CDC42EP3: variants seen among roughly 807,000 people sequenced by gnomAD.
The protein encoded by CDC42EP3 is CDC42 effector protein (Rho GTPase binding) 3.
Under a neutral mutation model 15.5 loss-of-function variants are expected in CDC42EP3, and 4 were observed. The ratio of observed to expected loss-of-function variants is 0.26; its 90% CI spans 0.13 to 0.59. The LOEUF (loss-of-function observed/expected upper bound fraction) is 0.59. Among genes scored for constraint, CDC42EP3 ranks in the 20% least tolerant of loss-of-function variants. CDC42EP3 has a pLI of 0.89. For missense variants in CDC42EP3, 309 were observed against 311.2 expected (o/e 0.99, Z 0.05); for synonymous variants, 145 against 130.3 (o/e 1.11, Z -0.77).
rs367822432 is a variant in CDC42EP3, at chr2:37,642,575, C to T, written c.*3248G>A. 4.0e-4 allele frequency: 61 copies of T among 152,298 alleles called. No individual in the cohort carries two copies. Among genetic ancestry groups the T allele is most frequent in the African/African-American group, 1.4e-3 (59 of 41,538 alleles). The allele number at this position is 152,298 out of a possible 1,614,324, so 9.4% of individuals were successfully genotyped here. On this transcript the variant is annotated 3_prime_UTR_variant, in exon 2 of 2. Coordinates refer to ENST00000295324, the MANE Select transcript of CDC42EP3 (RefSeq NM_006449.5). ...AAAACTCTTACTGGAGAGAAACCATCATGTTGGCTCATTCTATTGTGTTTA... is the reference window on the plus strand; with the variant it reads ...AAAACTCTTACTGGAGAGAAACCATTATGTTGGCTCATTCTATTGTGTTTA...
At chr2:37,671,102 A>C (rs1410389019) in intron 1 of CDC42EP3, among the ~76,000 whole-genome samples, 1 of 152,214 alleles carries the variant, frequency 6.6e-6, no homozygotes, top group Non-Finnish European at 1.5e-5. Context: ...GCTTGTTCTC[A>C]GATGGAAAAA....
chr2:37,649,319 G>A (rs1253910811), intron 1 of CDC42EP3, among the ~76,000 whole-genome samples: 1 of 151,678 alleles, frequency 6.6e-6, no homozygotes, highest in South Asian at 2.1e-4. Flanking sequence ...GCTGAGAATG[G>A]TAGCACACAC....
rs1029135900 is a variant in CDC42EP3, at chr2:37,645,518, G to A, written c.*305C>T. ...ACTCGCTCAGCCCTTCATAGCTAGTGCCAATCCTGGCCAAGCCAGATTTCT... is the reference window on the plus strand; with the variant it reads ...ACTCGCTCAGCCCTTCATAGCTAGTACCAATCCTGGCCAAGCCAGATTTCT... On this transcript the variant is annotated 3_prime_UTR_variant, in exon 2 of 2. Coordinates refer to ENST00000295324, the MANE Select transcript of CDC42EP3 (RefSeq NM_006449.5). The A allele has an allele frequency of 3.0e-5, 7 of 234,300 alleles. No individual in the cohort carries two copies. The highest frequency in any genetic ancestry group is 5.0e-5 in the Non-Finnish European group (6 of 120,706). 14.5% of individuals were successfully genotyped at this position (234,300 alleles called of 1,614,324 possible). A position where few individuals can be genotyped will look rare whatever the true frequency, so the allele number is the denominator to read the frequency against.
intron 1 of CDC42EP3, among the ~76,000 whole-genome samples, chr2:37,665,826 G>T (rs551170610): frequency 8.1e-4 from 120 of 148,532 alleles, no homozygotes; most frequent in African/African-American, 2.9e-3. Context: ...TTAGTAGTAA[G>T]ATAGCTATGC....
rs545240289 is a variant in CDC42EP3, at chr2:37,653,408, C to T, written c.-235-6586G>A. Among the ~76,000 whole-genome samples the T allele has an allele frequency of 2.9e-4, 44 of 152,174 alleles. 1 individual carries two copies. The South Asian group carries it at 7.7e-3, about 26-fold the overall frequency. On this transcript the variant is annotated intron_variant, in intron 1 of 1. Transcript: ENST00000295324. ...TCTAGTTTCTTGTGACTGACTGAAGCGTAAATGACAGTGATAATGATAGAA... is the reference window on the plus strand; with the variant it reads ...TCTAGTTTCTTGTGACTGACTGAAGTGTAAATGACAGTGATAATGATAGAA...
chr2:37,659,561 A>G (rs536782664), intron 1 of CDC42EP3, among the ~76,000 whole-genome samples: 1 of 152,376 alleles, frequency 6.6e-6, no homozygotes, highest in African/African-American at 2.4e-5. Flanking sequence ...CCCTGAATGC[A>G]ATGTGCAAAT....
chr2:37,652,741 AT>A (rs10605373), intron 1 of CDC42EP3, among the ~76,000 whole-genome samples: 7,507 of 147,112 alleles, frequency 0.051, 572 homozygotes, highest in African/African-American at 0.17. Context: ...ATTAAAAACA[AT>A]TTTTTTTTTT....
At position 37,643,843 on chromosome 2, in the gene CDC42EP3, G is replaced by A. The variant is rs1011386894; in HGVS notation, c.*1980C>T. ...GTGTGGTCCAACAGAAAAAACACTG[G>A]AGAGTCATGGATAACGAAATACAAC... On this transcript the variant is annotated 3_prime_UTR_variant, in exon 2 of 2. Transcript: ENST00000295324. The A allele has an allele frequency of 6.6e-5, 10 of 152,250 alleles. No homozygotes were observed. Among genetic ancestry groups the A allele is most frequent in the African/African-American group, 2.4e-4 (10 of 41,470 alleles). 9.4% of individuals were successfully genotyped at this position (152,250 alleles called of 1,614,324 possible).
Position 37,645,766 on chromosome 2 carries a change from A to G in CDC42EP3, c.*57T>C. On this transcript the variant is annotated 3_prime_UTR_variant, in exon 2 of 2. Coordinates refer to ENST00000295324, the MANE Select transcript of CDC42EP3 (RefSeq NM_006449.5). ...ACAGCTCCGGAAGCCCTTCTCTTCA[A>G]CTGTGGTTAGTTTGTTTTTGTACCT... 7.3e-7 allele frequency: 1 copy of G among 1,376,768 alleles called. No homozygotes were observed. Among genetic ancestry groups the G allele is most frequent in the Non-Finnish European group, 9.8e-7 (1 of 1,019,704 alleles). 85.3% of individuals were successfully genotyped at this position (1,376,768 alleles called of 1,614,324 possible).
rs1416185350 is a variant in CDC42EP3 at position 37,644,688 on chromosome 2, T to C, written c.*1135A>G. On this transcript the variant is annotated 3_prime_UTR_variant, in exon 2 of 2. Coordinates refer to ENST00000295324, the MANE Select transcript of CDC42EP3 (RefSeq NM_006449.5). The stretch of plus-strand genomic sequence containing the variant: ...TCCAAAAGTAGAGAGGCTCAGTTTC[T>C]AGCCTCTCAAACCATAAGGAAGTAA... 1 of 151,904 alleles carries C rather than the reference T, an allele frequency of 6.6e-6. No individual in the cohort carries two copies. The highest frequency in any genetic ancestry group is 1.5e-5 in the Non-Finnish European group (1 of 67,994). 9.4% of individuals were successfully genotyped at this position (151,904 alleles called of 1,614,324 possible).
intron 1 of CDC42EP3, among the ~76,000 whole-genome samples, chr2:37,667,053 T>G (rs1175460997): frequency 2.6e-5 from 4 of 152,094 alleles, no homozygotes; most frequent in African/African-American, 9.7e-5. Flanking sequence ...CTGGAGCTGA[T>G]CCCCACAGCT....
chr2:37,667,188 A>G (rs1329839240), intron 1 of CDC42EP3, among the ~76,000 whole-genome samples: 1 of 152,186 alleles, frequency 6.6e-6, no homozygotes, highest in Non-Finnish European at 1.5e-5. Context: ...AGCAGGGCCC[A>G]GGGGATATGC....
chr2:37,665,840 T>C (rs1237859850), intron 1 of CDC42EP3, among the ~76,000 whole-genome samples: 1 of 109,548 alleles, frequency 9.1e-6, no homozygotes, highest in Non-Finnish European at 1.9e-5. Context: ...GCTATGCTAA[T>C]AGGTGCCACT....
At chr2:37,662,290 A>T (rs1666080633) in intron 1 of CDC42EP3, among the ~76,000 whole-genome samples, 1 of 152,138 alleles carries the variant, frequency 6.6e-6, no homozygotes, top group Non-Finnish European at 1.5e-5. Flanking sequence ...TTCCTGGGTA[A>T]CAACGAGCAT....
chr2:37,660,235 A>G (rs558943735), intron 1 of CDC42EP3, among the ~76,000 whole-genome samples: 10 of 152,334 alleles, frequency 6.6e-5, no homozygotes, highest in Admixed American at 4.6e-4. Context: ...ACCACTCATT[A>G]ATAAAATTGT....
chr2:37,664,582 C>T (rs1666194590), intron 1 of CDC42EP3, among the ~76,000 whole-genome samples: 2 of 152,180 alleles, frequency 1.3e-5, no homozygotes, highest in Non-Finnish European at 1.5e-5. Context: ...ACAAAGATTT[C>T]TGACCTGACA....
At chr2:37,652,661 C>G (rs906050528) in intron 1 of CDC42EP3, among the ~76,000 whole-genome samples, 1 of 152,166 alleles carries the variant, frequency 6.6e-6, no homozygotes, top group Admixed American at 6.5e-5. Context: ...AAACCCTGGG[C>G]TCAAGCCATC....
chr2:37,645,989 G>A lies in CDC42EP3; in HGVS notation c.599C>T (p.Pro200Leu). Residue 200 changes from proline (P) to leucine (L), a missense_variant, in exon 2 of 2, where the codon CCA (proline) becomes CTA (leucine). By Grantham distance (98) the Pro-to-Leu change is moderately conservative. Coordinates refer to ENST00000295324, the MANE Select transcript of CDC42EP3 (RefSeq NM_006449.5). ...GGGATGGTCAAACATGTCCTCGGCT[G>A]GCCAGTCGGGGTACTGTTCGGACAG... ...SSLSEQYPDW[P>L]AEDMFDHPTP... 6.2e-7 allele frequency: 1 copy of A among 1,613,934 alleles called. No individual in the cohort carries two copies. Among genetic ancestry groups the A allele is most frequent in the Non-Finnish European group, 8.5e-7 (1 of 1,179,894 alleles).
chr2:37,668,705 A>G (rs1402808199), intron 1 of CDC42EP3, among the ~76,000 whole-genome samples: 1 of 152,244 alleles, frequency 6.6e-6, no homozygotes, highest in African/African-American at 2.4e-5. Flanking sequence ...TAACTGGTCT[A>G]TCCTCAGTCT....
Sources: allele counts gnomAD v4.1 joint callset (sites outside exome capture counted in the v4.1 genomes callset), GRCh38; gene constraint gnomAD v4.1.1; transcripts MANE v1.5; gene names NCBI Gene and HGNC (gene_info 2026-07-23, HGNC 2026-07-21).